GRID1: variants seen among roughly 807,000 people sequenced by gnomAD.
GRID1 encodes the protein glutamate ionotropic receptor delta type subunit 1.
In GRID1, 28 loss-of-function variants were observed where a neutral mutation model predicts 98.0. The ratio of observed to expected loss-of-function variants is 0.29; its 90% CI spans 0.21 to 0.39. The LOEUF (loss-of-function observed/expected upper bound fraction) is 0.39. Among genes scored for constraint, GRID1 ranks in the 10% least tolerant of loss-of-function variants. The pLI is 1.00. For synonymous variants in GRID1, 553 were observed against 538.5 expected (o/e 1.03, Z -0.37); for missense variants, 1,111 against 1,340.5 (o/e 0.83, Z 2.67).
intron 2 of GRID1, among the ~76,000 whole-genome samples, chr10:86,362,406 C>A (rs1848612066): frequency 6.6e-6 from 1 of 152,162 alleles, no homozygotes; most frequent in African/African-American, 2.4e-5. Context: ...GGGACACGAC[C>A]AGACACCAAA....
At chr10:86,331,466 C>T (rs1487064609) in intron 2 of GRID1, among the ~76,000 whole-genome samples, 3 of 152,162 alleles carry the variant, frequency 2.0e-5, no homozygotes, top group Non-Finnish European at 4.4e-5. Flanking sequence ...ATTGTGATGC[C>T]CCCACCCTCT....
chr10:85,987,805 T>A (rs995643940), intron 4 of GRID1, among the ~76,000 whole-genome samples: 6 of 151,818 alleles, frequency 4.0e-5, no homozygotes, highest in Non-Finnish European at 7.4e-5. Flanking sequence ...ATACCTTGCA[T>A]CTGAATGGGG....
intron 4 of GRID1, among the ~76,000 whole-genome samples, chr10:86,118,996 G>A (rs900024600): frequency 3.9e-5 from 6 of 152,122 alleles, no homozygotes; most frequent in African/African-American, 1.4e-4. Flanking sequence ...ATCCTGGATA[G>A]GATCCTAAGA....
intron 4 of GRID1, among the ~76,000 whole-genome samples, chr10:85,963,445 G>A (rs1253601700): frequency 2.0e-5 from 3 of 152,064 alleles, no homozygotes; most frequent in African/African-American, 7.3e-5. Flanking sequence ...AGTGGACAGG[G>A]TGACTTTTGC....
intron 4 of GRID1, among the ~76,000 whole-genome samples, chr10:86,051,611 A>T (rs1470874438): frequency 6.6e-6 from 1 of 152,228 alleles, no homozygotes; most frequent in Non-Finnish European, 1.5e-5. Context: ...CCCAAAAATC[A>T]GTAGAAAAAT....
chr10:86,283,785 C>T (rs1847389678), intron 2 of GRID1, among the ~76,000 whole-genome samples: 1 of 150,006 alleles, frequency 6.7e-6, no homozygotes, highest in African/African-American at 2.5e-5. Flanking sequence ...TGCATACACA[C>T]ATCTGCCCTA....
intron 12 of GRID1, among the ~76,000 whole-genome samples, chr10:85,681,744 C>T (rs758196286): frequency 2.0e-4 from 30 of 152,118 alleles, no homozygotes; most frequent in African/African-American, 5.6e-4. Context: ...CTGGCATTTC[C>T]GCATCTCTCT....
chr10:86,205,326 C>A (rs183254226), intron 3 of GRID1, among the ~76,000 whole-genome samples: 7 of 152,256 alleles, frequency 4.6e-5, no homozygotes, highest in Admixed American at 1.3e-4. Flanking sequence ...CCTCATCAGT[C>A]TCCCACACCC....
chr10:86,328,350 A>G (rs1848083303), intron 2 of GRID1, among the ~76,000 whole-genome samples: 1 of 152,236 alleles, frequency 6.6e-6, no homozygotes, highest in Non-Finnish European at 1.5e-5. Flanking sequence ...TCAGTCTTTC[A>G]TAATGAGATG....
chr10:86,080,196 T>C (rs1182637782), intron 4 of GRID1, among the ~76,000 whole-genome samples: 1 of 151,266 alleles, frequency 6.6e-6, no homozygotes, highest in Non-Finnish European at 1.5e-5. Flanking sequence ...TAGCTGGGCG[T>C]GGTGGCACAC....
intron 4 of GRID1, among the ~76,000 whole-genome samples, chr10:85,990,998 G>T (rs965403999): frequency 1.3e-5 from 2 of 152,106 alleles, no homozygotes; most frequent in Non-Finnish European, 2.9e-5. Flanking sequence ...CAAGGCATGG[G>T]TAACCTTTGT....
intron 4 of GRID1, among the ~76,000 whole-genome samples, chr10:85,970,166 T>C (rs1842388471): frequency 1.3e-5 from 2 of 152,078 alleles, no homozygotes; most frequent in African/African-American, 2.4e-5. Flanking sequence ...AGAAATTGAA[T>C]TGGTAATTTT....
At chr10:86,086,009 G>A (rs1844049810) in intron 4 of GRID1, among the ~76,000 whole-genome samples, 1 of 152,094 alleles carries the variant, frequency 6.6e-6, no homozygotes, top group Admixed American at 6.5e-5. Context: ...ACTCTTTGGA[G>A]CCTCTAGTCC....
intron 12 of GRID1, among the ~76,000 whole-genome samples, chr10:85,657,921 A>C (rs2132565602): frequency 6.6e-6 from 1 of 152,330 alleles, no homozygotes; most frequent in East Asian, 1.9e-4. Flanking sequence ...GCCAGCCAGC[A>C]GGACCTGCAT....
chr10:86,011,028 G>A (rs1284068057), intron 4 of GRID1, among the ~76,000 whole-genome samples: 1 of 152,080 alleles, frequency 6.6e-6, no homozygotes, highest in African/African-American at 2.4e-5. Context: ...TGCAGGAGAT[G>A]ACTTTCACAT....
rs187656029 is a variant in GRID1, at chr10:86,006,603, C to T, written c.727-90364G>A. Among the ~76,000 whole-genome samples the T allele has an allele frequency of 5.1e-3, 765 of 151,076 alleles. 8 individuals are homozygous for T. The highest frequency in any genetic ancestry group is 0.018 in the African/African-American group (737 of 41,070). On this transcript the variant is annotated intron_variant, in intron 4 of 15. Transcript: ENST00000327946. ...ACTGCACTCCAGCCTGGCGACAGAG[C>T]GAGACGCCGTCTAAAAAAAAAAAAG...
intron 2 of GRID1, among the ~76,000 whole-genome samples, chr10:86,262,045 G>A (rs960380224): frequency 6.6e-6 from 1 of 152,254 alleles, no homozygotes; most frequent in Non-Finnish European, 1.5e-5. Flanking sequence ...AGGTGAAGCA[G>A]TGTGTCCAGC....
intron 3 of GRID1, among the ~76,000 whole-genome samples, chr10:86,193,273 C>T (rs909342593): frequency 6.6e-6 from 1 of 152,102 alleles, no homozygotes; most frequent in Middle Eastern, 3.2e-3. Context: ...AGATGCCTAC[C>T]TTGTTGAGTT....
intron 12 of GRID1, among the ~76,000 whole-genome samples, chr10:85,715,008 A>C (rs1238851660): frequency 2.6e-5 from 4 of 152,206 alleles, no homozygotes; most frequent in African/African-American, 9.6e-5. Context: ...GAGTATAGTA[A>C]TTAAAACAAT....
Sources: gnomAD v4.1 joint callset for allele counts (sites outside exome capture counted in the v4.1 genomes callset) on GRCh38, gnomAD v4.1.1 for gene constraint, MANE v1.5 for transcripts, NCBI Gene and HGNC (gene_info 2026-07-23, HGNC 2026-07-21) for gene names.